Variants in C5 observed in about 807,000 individuals in gnomAD.
The protein encoded by C5 is complement C5.
In C5, 140 loss-of-function variants were observed where a neutral mutation model predicts 218.8. The ratio of observed to expected loss-of-function variants is 0.64; its 90% CI spans 0.56 to 0.74. The LOEUF (loss-of-function observed/expected upper bound fraction) is 0.74, where lower values mean the gene tolerates loss of function less well. Ranked by LOEUF, C5 falls within the 30% of genes least tolerant of loss-of-function variation. The pLI, the probability that C5 is intolerant of heterozygous loss-of-function variation, is 0.00. For synonymous variants in C5, 614 were observed against 682.3 expected (o/e 0.90, Z 1.56); for missense variants, 1,700 against 1,969.6 (o/e 0.86, Z 2.59).
At chr9:121,012,079 A>G (rs775660574) in intron 17 of C5, among the ~76,000 whole-genome samples, 5 of 152,172 alleles carry the variant, frequency 3.3e-5, no homozygotes, top group Non-Finnish European at 7.3e-5. Context: ...GTCAATAATA[A>G]TTTAATTGTA....
intron 25 of C5, among the ~76,000 whole-genome samples, chr9:120,988,105 A>G (rs1284456548): frequency 6.6e-6 from 1 of 152,188 alleles, no homozygotes; most frequent in African/African-American, 2.4e-5. Context: ...TTTTTTGAAA[A>G]TAGACTGCCA....
intron 8 of C5, among the ~76,000 whole-genome samples, chr9:121,026,382 A>T (rs976668545): frequency 1.3e-5 from 2 of 152,228 alleles, no homozygotes; most frequent in Admixed American, 6.5e-5. Flanking sequence ...TTTCCTTGCA[A>T]GAAACTATGC....
chr9:121,021,799 A>ATG (rs1250774680), intron 10 of C5, 105 bp from the exon 11 acceptor site: 2 of 1,115,794 alleles, frequency 1.8e-6, no homozygotes, highest in Non-Finnish European at 2.7e-6. Flanking sequence ...TAAATTATTT[A>ATG]TGTATTTTTT....
At chr9:121,024,410 CAAT>C (rs2047401722) in intron 9 of C5, among the ~76,000 whole-genome samples, 2 of 146,588 alleles carry the variant, frequency 1.4e-5, no homozygotes, top group South Asian at 4.4e-4. Flanking sequence ...GGCAAGAGCC[CAAT>C]AATGTTATCC....
At chr9:121,057,204 T>C in the C5 span, among the ~76,000 whole-genome samples, 14 of 152,248 alleles carry the variant, frequency 9.2e-5, no homozygotes, top group East Asian at 2.1e-3. Context: ...ACCTATCTTA[T>C]AGGAAATGCT....
intron 28 of C5, chr9:120,979,795 C>G (rs546261672): frequency 5.3e-6 from 2 of 379,188 alleles, no homozygotes; most frequent in East Asian, 1.2e-4. Flanking sequence ...GGGAAGATCA[C>G]TTGAGCCCAG....
intron 37 of C5, 120 bp downstream of exon 37, chr9:120,961,362 G>A: frequency 1.4e-6 from 1 of 719,800 alleles, no homozygotes; most frequent in South Asian, 1.5e-5. Context: ...AATTAGCTGA[G>A]ATAGCATTTC....
chr9:121,029,507 T>C (rs2047455148), intron 7 of C5, among the ~76,000 whole-genome samples: 2 of 152,222 alleles, frequency 1.3e-5, no homozygotes, highest in African/African-American at 4.8e-5. Context: ...GCTGAGTACT[T>C]AGAAGAGTAC....
chr9:120,997,871 C>T, intron 20 of C5, 97 bp from the exon 21 acceptor site: 5 of 975,782 alleles, frequency 5.1e-6, no homozygotes, highest in Non-Finnish European at 7.8e-6. Context: ...GGCATGATCT[C>T]AGCTCACTGC....
the C5 span, among the ~76,000 whole-genome samples, chr9:121,071,937 T>C: frequency 6.6e-6 from 1 of 152,226 alleles, no homozygotes; most frequent in Non-Finnish European, 1.5e-5. Context: ...TCAGAGTACA[T>C]TCTTCATAAT....
chr9:121,052,105 A>C (rs924208658), upstream of C5, among the ~76,000 whole-genome samples: 1 of 152,174 alleles, frequency 6.6e-6, no homozygotes, highest in African/African-American at 2.4e-5. Flanking sequence ...AACAATTTAT[A>C]GATTCTAAGC....
chr9:121,025,778 G>T (rs913800014), intron 8 of C5, 198 bp from the exon 9 acceptor site: 7 of 520,622 alleles, frequency 1.3e-5, no homozygotes, highest in Non-Finnish European at 2.4e-5. Flanking sequence ...AATTATAGAA[G>T]TAGAAGGGTC....
upstream of C5, among the ~76,000 whole-genome samples, chr9:121,051,864 T>A (rs1437053423): frequency 6.6e-6 from 1 of 152,172 alleles, no homozygotes. Flanking sequence ...ATGGGTCAAG[T>A]TAAAACAAAC....
At chr9:121,028,700 G>C (rs1397287824) in intron 7 of C5, among the ~76,000 whole-genome samples, 1 of 152,134 alleles carries the variant, frequency 6.6e-6, no homozygotes, top group East Asian at 1.9e-4. Context: ...GTCATGGGGT[G>C]GGGGACGGGG....
chr9:121,072,623 A>T, the C5 span, among the ~76,000 whole-genome samples: 1 of 152,092 alleles, frequency 6.6e-6, no homozygotes, highest in East Asian at 1.9e-4. Flanking sequence ...CCTGACCAAC[A>T]TGGTGAAACT....
intron 31 of C5, 51 bp downstream of exon 31, chr9:120,971,879 C>G (rs372825832): frequency 1.5e-6 from 2 of 1,375,716 alleles, no homozygotes; most frequent in Admixed American, 1.7e-5. Context: ...TTTATGTTAC[C>G]TAGTACAAAT....
At chr9:121,015,023 A>C (rs1386623301) in intron 16 of C5, among the ~76,000 whole-genome samples, 176 bp downstream of exon 16, 4 of 152,212 alleles carry the variant, frequency 2.6e-5, no homozygotes, top group Non-Finnish European at 4.4e-5. Context: ...ATGGCAAATG[A>C]ACTACTAGAC....
At chr9:121,060,923 C>T in the C5 span, among the ~76,000 whole-genome samples, 9 of 152,156 alleles carry the variant, frequency 5.9e-5, no homozygotes, top group Admixed American at 2.0e-4. Context: ...CGAAGTGGCT[C>T]ACACCTGTAA....
At chr9:120,976,622 C>T in intron 29 of C5, 78 bp downstream of exon 29, 1 of 1,150,052 alleles carries the variant, frequency 8.7e-7, no homozygotes, top group South Asian at 1.2e-5. Context: ...TGGACAAAGG[C>T]ATGGAGGCCA....
Sources: gnomAD v4.1 joint callset for allele counts (sites outside exome capture counted in the v4.1 genomes callset) on GRCh38, gnomAD v4.1.1 for gene constraint, MANE v1.5 for transcripts, NCBI Gene and HGNC (gene_info 2026-07-23, HGNC 2026-07-21) for gene names.